The following ASZ1 variants were observed in gnomAD, a reference collection of about 807,000 sequenced individuals.
ASZ1 encodes the protein ankyrin repeat, SAM and basic leucine zipper domain-containing protein 1.
In ASZ1, 67 loss-of-function variants were observed where a neutral mutation model predicts 61.8. That is an observed-to-expected ratio of 1.08 (90% CI 0.89 to 1.33). ASZ1 has a LOEUF of 1.33. Among genes scored for constraint, ASZ1 ranks in the 40% most tolerant of loss-of-function variants. ASZ1 has a pLI of 0.00. For missense variants in ASZ1, 577 were observed against 554.5 expected (o/e 1.04, Z -0.41); for synonymous variants, 193 against 192.7 (o/e 1.00, Z -0.01).
chr7:117,426,754 G>A, intron 2 of ASZ1, 82 bp downstream of exon 2: 1 of 1,213,864 alleles, frequency 8.2e-7, no homozygotes, highest in Non-Finnish European at 1.2e-6. Context: ...CATTAGAAAA[G>A]CAACATAAAC....
At chr7:117,422,153 G>A (rs1797109499) in intron 3 of ASZ1, 84 bp downstream of exon 3, 2 of 1,468,378 alleles carry the variant, frequency 1.4e-6, no homozygotes, top group Admixed American at 2.3e-5. Flanking sequence ...AATGGCTTTA[G>A]TTTTTTGCAC....
At chr7:117,371,994 T>C (rs779107217) in intron 10 of ASZ1, among the ~76,000 whole-genome samples, 9 of 152,166 alleles carry the variant, frequency 5.9e-5, no homozygotes, top group Non-Finnish European at 1.3e-4. Flanking sequence ...TCTTGTGACA[T>C]ATAATTTTCA....
At chr7:117,366,001 C>T (rs1028552925) in intron 12 of ASZ1, among the ~76,000 whole-genome samples, 1 of 152,248 alleles carries the variant, frequency 6.6e-6, no homozygotes, top group Non-Finnish European at 1.5e-5. Flanking sequence ...CAATGGCGCA[C>T]ACCAGTAATC....
intron 7 of ASZ1, 65 bp downstream of exon 7, chr7:117,382,921 C>G (rs778933484): frequency 5.6e-5 from 78 of 1,392,170 alleles, no homozygotes; most frequent in Non-Finnish European, 7.4e-5. Flanking sequence ...ACCACATTTA[C>G]TACAATAAAA....
intron 2 of ASZ1, among the ~76,000 whole-genome samples, 160 bp from the exon 3 acceptor site, chr7:117,422,519 T>C (rs541142797): frequency 1.1e-4 from 16 of 152,330 alleles, no homozygotes; most frequent in African/African-American, 3.4e-4. Context: ...AATAGTTATA[T>C]TGGGACATTA....
chr7:117,404,590 G>T (rs1796746739), intron 4 of ASZ1, among the ~76,000 whole-genome samples: 1 of 152,048 alleles, frequency 6.6e-6, no homozygotes, highest in Non-Finnish European at 1.5e-5. Flanking sequence ...GGTGTCAACT[G>T]CAGAATTCTC....
At chr7:117,374,890 A>G (rs1796109452) in intron 10 of ASZ1, among the ~76,000 whole-genome samples, 1 of 152,068 alleles carries the variant, frequency 6.6e-6, no homozygotes, top group African/African-American at 2.4e-5. Flanking sequence ...TATGAAACCA[A>G]AAGAAGAAAG....
chr7:117,385,578 TTTTCACCAGA>T, intron 5 of ASZ1, 110 bp downstream of exon 5: 1 of 853,738 alleles, frequency 1.2e-6, no homozygotes, highest in East Asian at 2.7e-5. Flanking sequence ...CTGTTGCTTT[TTTTCACCAGA>T]TAGCAATTAT....
At chr7:117,364,551 C>T (rs1030561676) in intron 12 of ASZ1, among the ~76,000 whole-genome samples, 1 of 151,578 alleles carries the variant, frequency 6.6e-6, no homozygotes, top group Non-Finnish European at 1.5e-5. Context: ...ACCAAAGATC[C>T]TTGAAAGATA....
rs187406401 is a variant in ASZ1 at position 117,369,450 on chromosome 7, T to C, written c.1056-733A>G. On this transcript the variant is annotated intron_variant, in intron 10 of 12. Coordinates refer to ENST00000284629, the MANE Select transcript of ASZ1 (RefSeq NM_130768.3). The stretch of plus-strand genomic sequence containing the variant: ...TACTAAGAGATTTTCAACAGGAAAT[T>C]TGAAAATTAGACTTTTAAATGAGAA... Among the ~76,000 whole-genome samples the C allele has an allele frequency of 7.2e-5, 11 of 152,270 alleles. No homozygotes were observed. In the East Asian group the frequency reaches 1.3e-3, roughly 19 times the overall value.
intron 4 of ASZ1, among the ~76,000 whole-genome samples, chr7:117,401,522 C>T (rs949747265): frequency 5.3e-5 from 8 of 151,962 alleles, no homozygotes; most frequent in African/African-American, 1.7e-4. Context: ...ATAGGGATGG[C>T]ACTATGTTTA....
Position 117,418,222 on chromosome 7 carries a change from T to C in ASZ1, c.440+1941A>G, listed in dbSNP as rs896592672. ...TTTTATCTCATGCCACTTCTAAAGG[T>C]ATACATCAAAATTACAACTCATGGA... On this transcript the variant is annotated intron_variant, in intron 4 of 12. Coordinates refer to ENST00000284629, the MANE Select transcript of ASZ1 (RefSeq NM_130768.3). Among the ~76,000 whole-genome samples, 7 of 152,144 alleles carry C rather than the reference T, an allele frequency of 4.6e-5. No individual in the cohort carries two copies. The South Asian group carries it at 6.2e-4, about 13-fold the overall frequency.
chr7:117,411,899 T>C (rs1411937100), intron 4 of ASZ1, among the ~76,000 whole-genome samples: 2 of 151,850 alleles, frequency 1.3e-5, no homozygotes, highest in African/African-American at 2.4e-5. Context: ...ATAAAATTTA[T>C]AAACAACTTA....
At chr7:117,379,873 T>C (rs1437586246) in intron 10 of ASZ1, 65 bp downstream of exon 10, 1 of 1,086,162 alleles carries the variant, frequency 9.2e-7, no homozygotes, top group South Asian at 1.6e-5. Flanking sequence ...ATTATGAAAA[T>C]TAAACTAAAA....
intron 4 of ASZ1, among the ~76,000 whole-genome samples, chr7:117,394,229 C>T (rs1045951030): frequency 3.3e-5 from 5 of 152,058 alleles, no homozygotes; most frequent in African/African-American, 4.8e-5. Context: ...CTCAGCCTCC[C>T]GAGTAGCTAG....
At chr7:117,373,046 T>A (rs912718868) in intron 10 of ASZ1, among the ~76,000 whole-genome samples, 6 of 152,164 alleles carry the variant, frequency 3.9e-5, no homozygotes, top group African/African-American at 1.4e-4. Flanking sequence ...AACATCTATA[T>A]AGATTTTTTG....
chr7:117,387,307 T>TCAACGA (rs1554361952), intron 4 of ASZ1, among the ~76,000 whole-genome samples: 1 of 147,270 alleles, frequency 6.8e-6, no homozygotes, highest in African/African-American at 2.5e-5. Context: ...AGACCCTGTC[T>TCAACGA]CAACAACAAC....
intron 8 of ASZ1, among the ~76,000 whole-genome samples, chr7:117,381,396 A>C (rs1442689729): frequency 2.6e-5 from 4 of 152,242 alleles, no homozygotes; most frequent in African/African-American, 7.2e-5. Context: ...TGACTGTATC[A>C]CATTAAACCA....
intron 8 of ASZ1, 32 bp downstream of exon 8, chr7:117,382,037 C>A (rs766209385): frequency 7.7e-7 from 1 of 1,301,800 alleles, no homozygotes; most frequent in South Asian, 1.2e-5. Flanking sequence ...AACATATATG[C>A]ATAACTCACT....
Sources: gnomAD v4.1 joint callset for allele counts (sites outside exome capture counted in the v4.1 genomes callset) on GRCh38, gnomAD v4.1.1 for gene constraint, MANE v1.5 for transcripts, NCBI Gene and HGNC (gene_info 2026-07-23, HGNC 2026-07-21) for gene names.